Variants in ZNF550 observed in about 807,000 individuals in gnomAD.
The protein encoded by ZNF550 is zinc finger protein 550.
In ZNF550, 42 loss-of-function variants were observed where a neutral mutation model predicts 40.2. That is an observed-to-expected ratio of 1.05 (90% CI 0.82 to 1.35). The LOEUF (loss-of-function observed/expected upper bound fraction) is 1.35, where lower values mean the gene tolerates loss of function less well. ZNF550 is among the 40% of genes most tolerant of loss of function. The pLI is 0.00. For synonymous variants in ZNF550, 223 were observed against 198.6 expected (o/e 1.12, Z -1.03); for missense variants, 549 against 525.2 (o/e 1.05, Z -0.44).
rs189728557 is a variant in ZNF550 at position 57,555,558 on chromosome 19, T to G, written c.154+673A>C. 336 of 154,160 alleles carry G rather than the reference T, an allele frequency of 2.2e-3. 2 individuals carry two copies. Among genetic ancestry groups the G allele is most frequent in the African/African-American group, 7.3e-3 (305 of 41,562 alleles). The allele number at this position is 154,160 out of a possible 1,614,324, so 9.5% of individuals were successfully genotyped here. A position where few individuals can be genotyped will look rare whatever the true frequency, so the allele number is the denominator to read the frequency against. ...TTCACCATCTTGGCCAGGTTGGTAT[T>G]GAACTCCTGACCTCGTGATCCACCC... On this transcript the variant is annotated intron_variant, in intron 2 of 4. Coordinates refer to ENST00000457177, the Ensembl canonical transcript of ZNF550.
At chr19:57,546,986 C>A in exon 4 of ZNF550, 1 of 1,610,864 alleles carries the variant, frequency 6.2e-7, no homozygotes, top group African/African-American at 1.3e-5. Flanking sequence ...CATGTATGGA[C>A]CCTTTGGTGC....
chr19:57,560,287 G>C (rs977868801), upstream of ZNF550, among the ~76,000 whole-genome samples: 1 of 152,168 alleles, frequency 6.6e-6, no homozygotes, highest in Non-Finnish European at 1.5e-5. Context: ...CTGGACCCCC[G>C]CTTCCCGCGT....
At chr19:57,544,025 C>G (rs1431306703) in intron 4 of ZNF550, 1 of 985,302 alleles carries the variant, frequency 1.0e-6, no homozygotes, top group Non-Finnish European at 1.2e-6. Flanking sequence ...AAGTTCAAAA[C>G]TTCTACTGAC....
intron 3 of ZNF550, among the ~76,000 whole-genome samples, chr19:57,548,475 C>T (rs908240600): frequency 1.3e-5 from 2 of 152,168 alleles, no homozygotes; most frequent in Non-Finnish European, 2.9e-5. Flanking sequence ...ATATGAAAAA[C>T]TGCTCAATAT....
chr19:57,557,803 AC>A (rs761866067), intron 1 of ZNF550, among the ~76,000 whole-genome samples: 1 of 152,138 alleles, frequency 6.6e-6, no homozygotes, highest in Non-Finnish European at 1.5e-5. Flanking sequence ...TGAATCTGAC[AC>A]TTGCCAGCTA....
chr19:57,559,810 C>T (rs1312157346), exon 1 of ZNF550: 2 of 827,772 alleles, frequency 2.4e-6, no homozygotes, highest in Non-Finnish European at 3.3e-6. Flanking sequence ...GTTCTGAGAG[C>T]GCGGACCAAC....
intron 4 of ZNF550, chr19:57,543,683 CGCA>C (rs2089981710): frequency 1.0e-6 from 1 of 971,864 alleles, no homozygotes; most frequent in Non-Finnish European, 1.2e-6. Context: ...CGCCTGTAAT[CGCA>C]GCACTTTGGG....
rs1244910498 is a variant in ZNF550 at position 57,554,764 on chromosome 19, T to TC, written c.154+1466dup. 1 of 152,206 alleles carries TC rather than the reference T, an allele frequency of 6.6e-6. No homozygotes were observed. Among genetic ancestry groups the TC allele is most frequent in the Non-Finnish European group, 1.5e-5 (1 of 68,048 alleles). The allele number at this position is 152,206 out of a possible 1,614,324, so 9.4% of individuals were successfully genotyped here. ...GGGACAGGGCTGTGGGAAAGGTGAATCAGATGATCCTTTGGCTCTCCCAAG... is the reference window on the plus strand; with the variant it reads ...GGGACAGGGCTGTGGGAAAGGTGAATCCAGATGATCCTTTGGCTCTCCCAAG... On this transcript the variant is annotated intron_variant, in intron 2 of 4. Transcript: ENST00000457177. The surrounding 1 kb of genome is among the most constrained non-coding windows in gnomAD (Gnocchi z 4.5).
rs1047422075 is a variant in ZNF550, at chr19:57,559,485, C to A, written c.27+171G>T. Among the ~76,000 whole-genome samples, 20 of 152,314 alleles carry A rather than the reference C, an allele frequency of 1.3e-4. No homozygotes were observed. In the Middle Eastern group the frequency reaches 0.017, roughly 130 times the overall value. On this transcript the variant is annotated intron_variant, in intron 1 of 4. Coordinates refer to ENST00000457177, the Ensembl canonical transcript of ZNF550. ...ACCCCAGAAACGGGGACGCTCCCCA[C>A]GCCACCGCGGGCCTGCATTCCGGAC...
intron 3 of ZNF550, among the ~76,000 whole-genome samples, chr19:57,549,288 A>T (rs750928202): frequency 5.9e-5 from 9 of 152,122 alleles, no homozygotes; most frequent in Admixed American, 3.3e-4. Flanking sequence ...ACCCACATAA[A>T]TTAAAAATTA....
chr19:57,551,462 T>C (rs553651155), intron 3 of ZNF550, among the ~76,000 whole-genome samples: 4 of 147,600 alleles, frequency 2.7e-5, no homozygotes, highest in Admixed American at 1.4e-4. Flanking sequence ...GCAGTGGAAG[T>C]GATGGACTTA....
exon 5 of ZNF550, chr19:57,542,263 T>C (rs1049666503): frequency 4.0e-5 from 6 of 150,386 alleles, no homozygotes; most frequent in African/African-American, 1.5e-4. Context: ...GTCCATCTTA[T>C]GGGAGAGGAA....
upstream of ZNF550, among the ~76,000 whole-genome samples, chr19:57,560,420 G>T (rs887397074): frequency 6.6e-6 from 1 of 152,188 alleles, no homozygotes; most frequent in Non-Finnish European, 1.5e-5. Flanking sequence ...GCCCGCTTCC[G>T]GAGTCCAGCT....
At chr19:57,546,446 CAAG>C (rs2090010625) in intron 4 of ZNF550, 3 of 982,672 alleles carry the variant, frequency 3.1e-6, no homozygotes, top group Non-Finnish European at 3.6e-6. Context: ...GGACATAAAG[CAAG>C]AAGATACCTG....
chr19:57,559,583 C>A (rs1172424239), intron 1 of ZNF550, 73 bp downstream of exon 1: 2 of 1,385,492 alleles, frequency 1.4e-6, no homozygotes, highest in African/African-American at 1.4e-5. Context: ...GACCCTGAAA[C>A]GCCGTCCTTC....
At chr19:57,543,580 T>C (rs1046476331) in intron 4 of ZNF550, 1 of 981,244 alleles carries the variant, frequency 1.0e-6, no homozygotes, top group Non-Finnish European at 1.2e-6. Context: ...CATAAGAGCA[T>C]AGTGCTTTTT....
chr19:57,550,423 TGTCAACCAATA>T (rs1477852635), intron 3 of ZNF550, among the ~76,000 whole-genome samples: 2 of 152,184 alleles, frequency 1.3e-5, no homozygotes, highest in South Asian at 4.1e-4. Context: ...ACAATACAAA[TGTCAACCAATA>T]GGAGAGTGAA....
intron 4 of ZNF550, chr19:57,543,334 C>T (rs2089978149): frequency 3.0e-6 from 1 of 329,976 alleles, no homozygotes; most frequent in Admixed American, 6.5e-5. Flanking sequence ...CTACCCCATC[C>T]CTTCCCTCCC....
exon 4 of ZNF550, chr19:57,546,848 A>G (rs1207534754): frequency 7.0e-7 from 1 of 1,424,140 alleles, no homozygotes; most frequent in Non-Finnish European, 9.2e-7. Flanking sequence ...GCTGACAAAA[A>G]AAATGAAAAG....
Sources: allele counts gnomAD v4.1 joint callset (sites outside exome capture counted in the v4.1 genomes callset), GRCh38; gene constraint gnomAD v4.1.1; non-coding constraint Gnocchi (gnomAD v3.1); transcripts MANE v1.5; gene names NCBI Gene and HGNC (gene_info 2026-07-23, HGNC 2026-07-21).